The following CAPS2 variants were observed in gnomAD, a reference collection of about 807,000 sequenced individuals.
CAPS2 encodes calcyphosin-2.
In CAPS2, 98 loss-of-function variants were observed where a neutral mutation model predicts 86.5. The ratio of observed to expected loss-of-function variants is 1.13; its 90% CI spans 0.96 to 1.34. The LOEUF is 1.34. CAPS2 is among the 40% of genes most tolerant of loss of function. The pLI, the probability that CAPS2 is intolerant of heterozygous loss-of-function variation, is 0.00. For synonymous variants in CAPS2, 210 were observed against 225.1 expected (o/e 0.93, Z 0.60); for missense variants, 729 against 686.8 (o/e 1.06, Z -0.69).
At chr12:75,390,883 T>G in exon 1 of CAPS2, 1 of 694,162 alleles carries the variant, frequency 1.4e-6, no homozygotes, top group Non-Finnish European at 2.7e-6. Flanking sequence ...ATTACCAGCT[T>G]TCTTCACTCT....
chr12:75,384,579 G>A lies in CAPS2; in HGVS notation c.-395+6259C>T, dbSNP rs543849069. 8.9e-4 allele frequency among the ~76,000 whole-genome samples: 136 copies of A among 152,092 alleles called. No individual in the cohort carries two copies. In the Middle Eastern group the frequency reaches 0.01, roughly 11 times the overall value. On this transcript the variant is annotated intron_variant, in intron 1 of 5. Coordinates refer to the CAPS2 transcript ENST00000551829. ...TGGTGAATTCTACCAAAAATTTAAA[G>A]AAAAAAGTGATCGATTCTGTATAAT...
chr12:75,387,894 T>C (rs1028060718), intron 1 of CAPS2, among the ~76,000 whole-genome samples: 2 of 152,202 alleles, frequency 1.3e-5, no homozygotes, highest in Non-Finnish European at 2.9e-5. Flanking sequence ...CTATAACATA[T>C]AGTTATGATC....
At chr12:75,345,891 G>A (rs2042410147) in intron 1 of CAPS2, among the ~76,000 whole-genome samples, 1 of 152,162 alleles carries the variant, frequency 6.6e-6, no homozygotes, top group Non-Finnish European at 1.5e-5. Context: ...AATCAGAAAG[G>A]GGAGCTTACT....
intron 15 of CAPS2, among the ~76,000 whole-genome samples, chr12:75,284,593 T>A (rs773675542): frequency 6.6e-6 from 1 of 152,144 alleles, no homozygotes; most frequent in Admixed American, 6.5e-5. Flanking sequence ...ATATGCATTA[T>A]CTTATTCAAT....
chr12:75,386,409 G>C (rs1239124298), intron 1 of CAPS2, among the ~76,000 whole-genome samples: 1 of 152,168 alleles, frequency 6.6e-6, no homozygotes, highest in Non-Finnish European at 1.5e-5. Context: ...GGGCCTGCTG[G>C]CTGTGTCATC....
intron 1 of CAPS2, among the ~76,000 whole-genome samples, chr12:75,389,169 C>T (rs774981915): frequency 6.6e-6 from 1 of 152,084 alleles, no homozygotes; most frequent in Non-Finnish European, 1.5e-5. Flanking sequence ...TTAAATAGTG[C>T]CTGACACATT....
At chr12:75,330,020 T>C, upstream of CAPS2, 1 of 631,704 alleles carries the variant, frequency 1.6e-6, no homozygotes, top group South Asian at 2.1e-5. Flanking sequence ...TCAGAAAGCT[T>C]TAGACAGGAC....
chr12:75,337,830 G>A (rs970073938), intron 1 of CAPS2, among the ~76,000 whole-genome samples: 12 of 150,934 alleles, frequency 8.0e-5, no homozygotes, highest in Admixed American at 6.6e-5. Context: ...ATTATTTTTC[G>A]ACTATTGTCT....
intron 1 of CAPS2, among the ~76,000 whole-genome samples, chr12:75,340,059 G>T (rs1329867349): frequency 6.6e-6 from 1 of 151,780 alleles, no homozygotes; most frequent in East Asian, 1.9e-4. Flanking sequence ...ACTCCATCCA[G>T]GTTGCTGCAA....
intron 7 of CAPS2, among the ~76,000 whole-genome samples, chr12:75,310,028 C>A (rs1340572165): frequency 6.6e-6 from 1 of 152,188 alleles, no homozygotes; most frequent in Non-Finnish European, 1.5e-5. Flanking sequence ...TTTAAGTCCT[C>A]TTTTCCAGTT....
At chr12:75,279,644 A>G (rs963345892) in intron 16 of CAPS2, among the ~76,000 whole-genome samples, 1 of 152,028 alleles carries the variant, frequency 6.6e-6, no homozygotes, top group Non-Finnish European at 1.5e-5. Flanking sequence ...AAGGAATGAA[A>G]TCTACTTTGA....
intron 15 of CAPS2, among the ~76,000 whole-genome samples, chr12:75,282,635 C>T (rs958260773): frequency 4.6e-5 from 7 of 152,200 alleles, no homozygotes; most frequent in Admixed American, 3.9e-4. Flanking sequence ...GACCCACCCG[C>T]CTCGGCCTCC....
At chr12:75,311,416 G>A (rs987837875) in intron 7 of CAPS2, among the ~76,000 whole-genome samples, 1 of 152,112 alleles carries the variant, frequency 6.6e-6, no homozygotes, top group African/African-American at 2.4e-5. Context: ...AGTTACTATG[G>A]AGGAAAATTA....
At chr12:75,300,568 A>G (rs2037686142) in intron 8 of CAPS2, among the ~76,000 whole-genome samples, 1 of 132,472 alleles carries the variant, frequency 7.5e-6, no homozygotes, top group South Asian at 2.3e-4. Context: ...AAAAAAAAAA[A>G]AAAAAAAAAA....
chr12:75,323,880 G>A (rs1432130818), intron 2 of CAPS2, among the ~76,000 whole-genome samples: 1 of 152,158 alleles, frequency 6.6e-6, no homozygotes, highest in Non-Finnish European at 1.5e-5. Context: ...GTAATAGTGT[G>A]CATCTCTTTC....
chr12:75,318,636 TC>T (rs1298243689), intron 5 of CAPS2, among the ~76,000 whole-genome samples: 2 of 152,104 alleles, frequency 1.3e-5, no homozygotes, highest in Non-Finnish European at 2.9e-5. Context: ...TCTAAAGGTC[TC>T]CCCTGTGATC....
chr12:75,375,973 T>A (rs569593269), intron 1 of CAPS2, among the ~76,000 whole-genome samples: 8 of 152,308 alleles, frequency 5.3e-5, no homozygotes, highest in African/African-American at 1.9e-4. Context: ...GGTACTCCCC[T>A]CACAAATCTG....
intron 15 of CAPS2, 48 bp downstream of exon 15, chr12:75,284,913 A>G (rs1310631960): frequency 1.3e-6 from 2 of 1,498,772 alleles, no homozygotes; most frequent in Non-Finnish European, 1.8e-6. Flanking sequence ...TACTGAACCT[A>G]ACAATCTATT....
chr12:75,327,479 C>T (rs573920856), upstream of CAPS2, among the ~76,000 whole-genome samples: 184 of 152,014 alleles, frequency 1.2e-3, 1 homozygote, highest in African/African-American at 4.3e-3. Flanking sequence ...TATACTTCAC[C>T]TTTATATTAC....
Sources: gnomAD v4.1 joint callset for allele counts (sites outside exome capture counted in the v4.1 genomes callset) on GRCh38, gnomAD v4.1.1 for gene constraint, MANE v1.5 for transcripts, NCBI Gene and HGNC (gene_info 2026-07-23, HGNC 2026-07-21) for gene names.